Variants in S100Z observed in about 807,000 individuals in gnomAD.
S100Z encodes protein S100-Z.
A neutral mutation model predicts 8.5 loss-of-function variants in S100Z; 11 were observed. The observed-to-expected ratio is 1.30, with a 90% CI of 0.82 to 2.15. The LOEUF is 2.15. S100Z is among the 30% of genes most tolerant of loss of function. The pLI, the probability that S100Z is intolerant of heterozygous loss-of-function variation, is 0.00. For synonymous variants in S100Z, 34 were observed against 43.8 expected (o/e 0.78, Z 0.89); for missense variants, 126 against 117.9 (o/e 1.07, Z -0.32).
At chr5:76,901,943 C>T (rs915704345) in intron 4 of S100Z, among the ~76,000 whole-genome samples, 5 of 152,054 alleles carry the variant, frequency 3.3e-5, no homozygotes, top group South Asian at 2.1e-4. Context: ...CTGCCAGGAC[C>T]GGGTTCTTTC....
chr5:76,950,705 T>C, the S100Z span, among the ~76,000 whole-genome samples: 4 of 152,306 alleles, frequency 2.6e-5, no homozygotes, highest in Non-Finnish European at 5.9e-5. Context: ...ATCAGCATAC[T>C]TGGGGACTCT....
At chr5:76,850,696 A>G (rs182828090) in intron 1 of S100Z, among the ~76,000 whole-genome samples, 342 of 152,342 alleles carry the variant, frequency 2.2e-3, no homozygotes, top group African/African-American at 7.9e-3. Context: ...ATGCCTGGAC[A>G]ATCAGCCCTG....
chr5:76,917,238 A>G (rs1744883280), intron 4 of S100Z, among the ~76,000 whole-genome samples: 1 of 152,194 alleles, frequency 6.6e-6, no homozygotes. Context: ...TTGTTTCAAA[A>G]TAAGTTTATA....
intron 2 of S100Z, 67 bp from the exon 3 acceptor site, chr5:76,875,237 C>T (rs1467306373): frequency 1.1e-6 from 1 of 882,658 alleles, no homozygotes; most frequent in Non-Finnish European, 1.7e-6. Context: ...CGAGCTGACT[C>T]GGGGGATTGT....
rs111456124 is a variant in S100Z, at chr5:76,884,761, C to T, written c.*2+6927C>T. Among the ~76,000 whole-genome samples, 287 of 151,978 alleles carry T rather than the reference C, an allele frequency of 1.9e-3. 2 individuals carry two copies. Among genetic ancestry groups the T allele is most frequent in the African/African-American group, 6.5e-3 (269 of 41,444 alleles). Reference sequence around the variant, plus strand: ...GAGGTGATAGAAGGATTATAGGGTGCGGAAGCAGAGGCTGAGGAAGAATTG... The same window carrying T: ...GAGGTGATAGAAGGATTATAGGGTGTGGAAGCAGAGGCTGAGGAAGAATTG... On this transcript the variant is annotated intron_variant, in intron 4 of 4. Transcript: ENST00000317593.
At chr5:76,910,705 G>A (rs375350735) in intron 4 of S100Z, among the ~76,000 whole-genome samples, 35 of 152,286 alleles carry the variant, frequency 2.3e-4, no homozygotes, top group African/African-American at 7.9e-4. Flanking sequence ...TGGGGCAAGC[G>A]CCAGCTCATG....
chr5:76,875,593 C>A, intron 3 of S100Z, 93 bp downstream of exon 3: 1 of 1,182,758 alleles, frequency 8.5e-7, no homozygotes, highest in Non-Finnish European at 1.2e-6. Context: ...TCCTGTGATT[C>A]TGTCACAAAT....
chr5:76,913,535 G>C (rs1744741391), intron 4 of S100Z, among the ~76,000 whole-genome samples: 1 of 152,184 alleles, frequency 6.6e-6, no homozygotes, highest in Non-Finnish European at 1.5e-5. Context: ...ACTGAACAAG[G>C]TTTTATTAAC....
At chr5:76,919,494 G>A (rs996223734) in intron 4 of S100Z, among the ~76,000 whole-genome samples, 1 of 151,728 alleles carries the variant, frequency 6.6e-6, no homozygotes, top group African/African-American at 2.4e-5. Context: ...TCTTTGGTGA[G>A]GTATCTGTTC....
At chr5:76,939,113 A>G in the S100Z span, among the ~76,000 whole-genome samples, 1 of 151,872 alleles carries the variant, frequency 6.6e-6, no homozygotes, top group Non-Finnish European at 1.5e-5. Flanking sequence ...AATGTCTAAG[A>G]TGTAAATAAA....
At chr5:76,864,120 T>C (rs1751175998) in intron 1 of S100Z, among the ~76,000 whole-genome samples, 1 of 152,218 alleles carries the variant, frequency 6.6e-6, no homozygotes, top group Admixed American at 6.5e-5. Context: ...TACAGTCATG[T>C]GCCCATAATG....
At chr5:76,948,711 C>A in the S100Z span, 1 of 152,132 alleles carries the variant, frequency 6.6e-6, no homozygotes, top group African/African-American at 2.4e-5. Context: ...GAAACCCTGG[C>A]CACTGTTAGA....
At chr5:76,897,302 TGTG>T (rs1339910845) in intron 4 of S100Z, among the ~76,000 whole-genome samples, 1 of 151,452 alleles carries the variant, frequency 6.6e-6, no homozygotes, top group Non-Finnish European at 1.5e-5. Flanking sequence ...ATTAGCCAGG[TGTG>T]GTGGTGGGCG....
intron 4 of S100Z, among the ~76,000 whole-genome samples, chr5:76,882,186 A>G (rs889710919): frequency 6.6e-6 from 1 of 152,188 alleles, no homozygotes. Flanking sequence ...TATGAGAACT[A>G]TAGAGAGTGA....
chr5:76,879,878 A>G (rs532853579), intron 4 of S100Z, among the ~76,000 whole-genome samples: 2 of 152,286 alleles, frequency 1.3e-5, no homozygotes, highest in Non-Finnish European at 1.5e-5. Context: ...AGACTTGACC[A>G]CTAGATTTGG....
intron 1 of S100Z, among the ~76,000 whole-genome samples, chr5:76,862,124 AGTGTGCGT>A (rs1352175577): frequency 0.031 from 4,251 of 138,490 alleles, 97 homozygotes; most frequent in Middle Eastern, 0.064. Flanking sequence ...AGGGATAAGG[AGTGTGCGT>A]GTGTGTGTGT....
At chr5:76,885,168 G>C (rs1456461106) in intron 4 of S100Z, among the ~76,000 whole-genome samples, 1 of 152,332 alleles carries the variant, frequency 6.6e-6, no homozygotes, top group East Asian at 1.9e-4. Flanking sequence ...GAGAGTTGAA[G>C]AGGTTTTAAG....
At chr5:76,865,353 T>A (rs1751236091) in intron 1 of S100Z, among the ~76,000 whole-genome samples, 1 of 151,322 alleles carries the variant, frequency 6.6e-6, no homozygotes, top group Non-Finnish European at 1.5e-5. Flanking sequence ...CAAGTGATTC[T>A]CCTGCCTTAG....
At chr5:76,898,987 G>A (rs1015765214) in intron 4 of S100Z, among the ~76,000 whole-genome samples, 1 of 147,482 alleles carries the variant, frequency 6.8e-6, no homozygotes, top group Non-Finnish European at 1.5e-5. Context: ...CCAGGCTGGA[G>A]TGCAATGACA....
Sources: allele counts gnomAD v4.1 joint callset (sites outside exome capture counted in the v4.1 genomes callset), GRCh38; gene constraint gnomAD v4.1.1; transcripts MANE v1.5; gene names NCBI Gene and HGNC (gene_info 2026-07-23, HGNC 2026-07-21).